GNAQ: variants seen among roughly 807,000 people sequenced by gnomAD.
GNAQ encodes the protein guanine nucleotide-binding protein G(q) subunit alpha.
Under a neutral mutation model 43.9 loss-of-function variants are expected in GNAQ, and 8 were observed. That is an observed-to-expected ratio of 0.18 (90% CI 0.11 to 0.33). The LOEUF (loss-of-function observed/expected upper bound fraction) is 0.33. GNAQ is among the 10% of genes least tolerant of loss of function. The pLI is 1.00. For missense variants in GNAQ, 158 were observed against 450.8 expected (o/e 0.35, Z 5.88); for synonymous variants, 155 against 170.7 (o/e 0.91, Z 0.71).
chr9:77,945,288 T>C (rs1235497484), intron 1 of GNAQ, among the ~76,000 whole-genome samples: 3 of 152,136 alleles, frequency 2.0e-5, no homozygotes, highest in Admixed American at 6.5e-5. Flanking sequence ...TTGAAACAGA[T>C]ATGAAGTAGC....
chr9:77,868,667 G>A (rs1038860628), intron 2 of GNAQ, among the ~76,000 whole-genome samples: 9 of 152,004 alleles, frequency 5.9e-5, no homozygotes, highest in Non-Finnish European at 1.3e-4. Context: ...GTGGTGGCAC[G>A]TGCCTGTAAT....
intron 2 of GNAQ, among the ~76,000 whole-genome samples, chr9:77,874,321 C>G (rs1439848856): frequency 1.3e-5 from 2 of 152,064 alleles, no homozygotes; most frequent in Admixed American, 1.3e-4. Context: ...TATGAAACCT[C>G]CTACCTATTT....
intron 2 of GNAQ, among the ~76,000 whole-genome samples, chr9:77,871,479 T>A (rs1001258745): frequency 1.3e-5 from 2 of 152,176 alleles, no homozygotes; most frequent in African/African-American, 4.8e-5. Context: ...ATCACAGACA[T>A]GGTTTGTGTT....
At chr9:77,841,657 T>C (rs1827493151) in intron 2 of GNAQ, among the ~76,000 whole-genome samples, 1 of 152,202 alleles carries the variant, frequency 6.6e-6, no homozygotes, top group African/African-American at 2.4e-5. Flanking sequence ...CCAACTATTA[T>C]ATGTAAACAC....
intron 2 of GNAQ, among the ~76,000 whole-genome samples, chr9:77,903,614 T>C (rs902596010): frequency 1.3e-5 from 2 of 152,138 alleles, no homozygotes; most frequent in African/African-American, 2.4e-5. Flanking sequence ...GGCAGGCAAG[T>C]GATTCTCCTG....
In GNAQ at chr9:77,894,393, A is replaced by T. The variant is rs1349129509; in HGVS notation, c.321+27768T>A. Among the ~76,000 whole-genome samples the T allele has an allele frequency of 8.8e-5, 4 of 45,450 alleles. No individual in the cohort carries two copies. The East Asian group carries it at 2.5e-3, about 28-fold the overall frequency. The allele number at this position is 45,450 out of a possible 152,430, so 29.8% of individuals were successfully genotyped here. On this transcript the variant is annotated intron_variant, in intron 2 of 6. Transcript: ENST00000286548. ...TATATATATATTTAATAGAAAAAAA[A>T]TATATATTTTATATATATATTTAAT...
intron 2 of GNAQ, among the ~76,000 whole-genome samples, chr9:77,874,666 C>T (rs560314548): frequency 6.6e-6 from 1 of 152,208 alleles, no homozygotes; most frequent in African/African-American, 2.4e-5. Flanking sequence ...ACTCTGTCAT[C>T]TAGGTTGGAG....
At chr9:77,798,289 T>C (rs1239358958) in intron 3 of GNAQ, among the ~76,000 whole-genome samples, 1 of 152,214 alleles carries the variant, frequency 6.6e-6, no homozygotes, top group Non-Finnish European at 1.5e-5. Flanking sequence ...AGTTATATGA[T>C]ACTTGATACT....
chr9:77,964,796 TTAGAGGTAAATAGG>T (rs1554729156), intron 1 of GNAQ, among the ~76,000 whole-genome samples: 1 of 152,194 alleles, frequency 6.6e-6, no homozygotes, highest in Non-Finnish European at 1.5e-5. Flanking sequence ...TGACTTGTAC[TTAGAGGTAAATAGG>T]TAGTACCAGA....
chr9:77,837,675 C>G (rs1305240379), intron 2 of GNAQ, among the ~76,000 whole-genome samples: 1 of 151,158 alleles, frequency 6.6e-6, no homozygotes, highest in Non-Finnish European at 1.5e-5. Context: ...ATCAAAATGA[C>G]TTCTAAATAT....
At chr9:77,864,195 AG>A (rs1827911175) in intron 2 of GNAQ, among the ~76,000 whole-genome samples, 1 of 146,536 alleles carries the variant, frequency 6.8e-6, no homozygotes, top group Non-Finnish European at 1.5e-5. Context: ...TTAAACAATT[AG>A]TTCTCTCAGG....
intron 2 of GNAQ, among the ~76,000 whole-genome samples, chr9:77,832,743 G>A (rs752690449): frequency 1.1e-4 from 16 of 152,116 alleles, no homozygotes; most frequent in Non-Finnish European, 1.6e-4. Flanking sequence ...ACGATGCCTC[G>A]GAGAAGGAAG....
intron 2 of GNAQ, among the ~76,000 whole-genome samples, chr9:77,898,522 AT>A (rs1299089542): frequency 6.6e-6 from 1 of 152,148 alleles, no homozygotes; most frequent in Non-Finnish European, 1.5e-5. Context: ...AGAGCAACCT[AT>A]CTGTTAGTTA....
chr9:77,924,501 A>G (rs1421045631), intron 1 of GNAQ, among the ~76,000 whole-genome samples: 1 of 152,162 alleles, frequency 6.6e-6, no homozygotes, highest in Non-Finnish European at 1.5e-5. Context: ...AGGCAACAGG[A>G]CCTTTTTTCT....
chr9:77,738,463 C>G (rs185121799), intron 5 of GNAQ, among the ~76,000 whole-genome samples: 6 of 152,090 alleles, frequency 3.9e-5, no homozygotes, highest in African/African-American at 1.4e-4. Flanking sequence ...CATGATAGAA[C>G]ACTTTAAAAA....
intron 1 of GNAQ, among the ~76,000 whole-genome samples, chr9:77,975,012 A>G (rs1823280875): frequency 6.6e-6 from 1 of 152,094 alleles, no homozygotes; most frequent in Non-Finnish European, 1.5e-5. Context: ...CAACCCCTCA[A>G]TGGATCGACT....
At chr9:77,939,073 C>G (rs17063970) in intron 1 of GNAQ, among the ~76,000 whole-genome samples, 2,569 of 152,296 alleles carry the variant, frequency 0.017, 34 homozygotes, top group Non-Finnish European at 0.029. Flanking sequence ...CTGGGAGAGA[C>G]ACCAGTACAA....
intron 2 of GNAQ, among the ~76,000 whole-genome samples, chr9:77,840,704 A>T (rs1239100033): frequency 1.3e-5 from 2 of 152,208 alleles, no homozygotes; most frequent in Non-Finnish European, 2.9e-5. Flanking sequence ...CTTTAAAACA[A>T]AAAAGAAAAA....
intron 4 of GNAQ, among the ~76,000 whole-genome samples, chr9:77,795,963 A>G (rs1353310802): frequency 6.6e-6 from 1 of 152,250 alleles, no homozygotes; most frequent in African/African-American, 2.4e-5. Context: ...TTGCGAAGCA[A>G]TAAGGAGATG....
Sources: allele counts gnomAD v4.1 joint callset (sites outside exome capture counted in the v4.1 genomes callset), GRCh38; gene constraint gnomAD v4.1.1; transcripts MANE v1.5; gene names NCBI Gene and HGNC (gene_info 2026-07-23, HGNC 2026-07-21).